Variants in ANKS6 observed in about 807,000 individuals in gnomAD.
The protein encoded by ANKS6 is ankyrin repeat and sterile alpha motif domain containing 6, also known as ankyrin repeat and SAM domain-containing protein 6.
ANKS6 carries 47 observed loss-of-function variants against 77.9 expected under a neutral mutation model. The observed-to-expected ratio is 0.60, with a 90% CI of 0.48 to 0.77. ANKS6 has a LOEUF of 0.77. ANKS6 is among the 30% of genes least tolerant of loss of function. ANKS6 has a pLI of 0.00. For synonymous variants in ANKS6, 488 were observed against 501.7 expected (o/e 0.97, Z 0.37); for missense variants, 1,150 against 1,159.1 (o/e 0.99, Z 0.11).
chr9:98,777,363 T>A (rs1833972589), intron 8 of ANKS6, 42 bp downstream of exon 8: 1 of 1,596,590 alleles, frequency 6.3e-7, no homozygotes, highest in Non-Finnish European at 8.6e-7. Flanking sequence ...AACTGATGAT[T>A]GCCGGAGACC....
rs202102117 is a variant in ANKS6 at position 98,780,219 on chromosome 9, T to A, written c.1338A>T (p.Pro446=). The A allele has an allele frequency of 2.5e-6, 4 of 1,614,086 alleles. No individual in the cohort carries two copies. In the African/African-American group the frequency reaches 5.3e-5, roughly 22 times the overall value. ...GTCCACCCTTGTCATCGGGCAGCAC[T>A]GGGATGCTCCAGGGCTGTCGGACCT... ...HSKVRQPWSI[P]VLPDDKGGLK... The change falls in exon 6 of 15, where the codon CCA becomes CCT. Residue 446 remains proline (P), a synonymous_variant. Transcript: ENST00000353234.
chr9:98,739,976 C>T (rs1440170970), intron 14 of ANKS6, among the ~76,000 whole-genome samples: 6 of 151,860 alleles, frequency 4.0e-5, no homozygotes, highest in African/African-American at 1.5e-4. Flanking sequence ...AGGATGGTCT[C>T]GATCTCCTGA....
chr9:98,782,811 G>T lies in ANKS6; in HGVS notation c.1113-238C>A, dbSNP rs1834348003. Among the ~76,000 whole-genome samples the T allele has an allele frequency of 1.3e-5, 2 of 152,118 alleles. 1 individual carries two copies. Among genetic ancestry groups the T allele is most frequent in the South Asian group, 4.1e-4 (2 of 4,822 alleles). ...CAAAATGAAGACTGAGGCTAGATGT[G>T]GTGGCTCACACCCGTAATCCCATCA... is the stretch of plus-strand genomic sequence containing the variant. On this transcript the variant is annotated intron_variant, in intron 4 of 14. Coordinates refer to ENST00000353234, the MANE Select transcript of ANKS6 (RefSeq NM_173551.5).
chr9:98,778,386 G>C lies in ANKS6; in HGVS notation c.1407C>G (p.Leu469=), dbSNP rs751057834. Reference sequence around the variant, plus strand: ...CACGGGGCAGCGTCTGCATCAGTTTGAGCTTTCGGAACCGATTGGACATTC... The same window carrying C: ...CACGGGGCAGCGTCTGCATCAGTTTCAGCTTTCGGAACCGATTGGACATTC... ...WNRMSNRFRK[L]KLMQTLPRGL... The change falls in exon 7 of 15, where the codon CTC becomes CTG. Residue 469 remains leucine (L), a synonymous_variant. Coordinates refer to ENST00000353234, the MANE Select transcript of ANKS6 (RefSeq NM_173551.5). 11 of 1,614,024 alleles carry C rather than the reference G, an allele frequency of 6.8e-6. No homozygotes were observed. The South Asian group carries it at 9.9e-5, about 15-fold the overall frequency.
At chr9:98,746,224 GCT>G (rs1432214212) in intron 13 of ANKS6, 1 of 152,702 alleles carries the variant, frequency 6.5e-6, no homozygotes, top group Non-Finnish European at 1.5e-5. Context: ...GATCCTAATG[GCT>G]CTGTCAACCC....
intron 1 of ANKS6, among the ~76,000 whole-genome samples, chr9:98,795,045 G>C (rs78673315): frequency 6.6e-6 from 1 of 152,132 alleles, no homozygotes; most frequent in South Asian, 2.1e-4. Flanking sequence ...AGAGAACAGG[G>C]AGATATCATG....
chr9:98,755,743 G>C (rs978059322), intron 12 of ANKS6, among the ~76,000 whole-genome samples: 4 of 152,342 alleles, frequency 2.6e-5, no homozygotes, highest in African/African-American at 7.2e-5. Flanking sequence ...AAGGGGCATG[G>C]CCAATCACCA....
rs1305405278 is a variant in ANKS6 at position 98,734,411 on chromosome 9, A to T, written c.*2108T>A. Reference sequence around the variant, plus strand: ...AAGCTATACCAGTATATTGTTATGAAAAAAACAGGACCACAGCAAAAAGCA... The same window carrying T: ...AAGCTATACCAGTATATTGTTATGATAAAAACAGGACCACAGCAAAAAGCA... On this transcript the variant is annotated 3_prime_UTR_variant, in exon 15 of 15. Coordinates refer to ENST00000353234, the MANE Select transcript of ANKS6 (RefSeq NM_173551.5). 1 of 985,352 alleles carries T rather than the reference A, an allele frequency of 1.0e-6. No individual in the cohort carries two copies. The highest frequency in any genetic ancestry group is 6.1e-5 in the Admixed American group (1 of 16,268). 61.0% of individuals were successfully genotyped at this position (985,352 alleles called of 1,614,324 possible).
intron 12 of ANKS6, among the ~76,000 whole-genome samples, chr9:98,752,131 C>A (rs1336259683): frequency 6.6e-6 from 1 of 152,074 alleles, no homozygotes; most frequent in Non-Finnish European, 1.5e-5. Context: ...GGCTGATAGG[C>A]AAGACAGCAA....
At chr9:98,768,845 A>C (rs1341226736) in intron 10 of ANKS6, among the ~76,000 whole-genome samples, 4 of 152,176 alleles carry the variant, frequency 2.6e-5, no homozygotes, top group African/African-American at 4.8e-5. Context: ...TATAAAATAA[A>C]GGGGCCGGGT....
In ANKS6 at chr9:98,756,642, T is replaced by G; in HGVS notation, c.2143-39A>C. 3 of 1,432,044 alleles carry G rather than the reference T, an allele frequency of 2.1e-6. 1 individual carries two copies. Among genetic ancestry groups the G allele is most frequent in the Non-Finnish European group, 2.8e-6 (3 of 1,089,150 alleles). The allele number at this position is 1,432,044 out of a possible 1,614,324, so 88.7% of individuals were successfully genotyped here. Reference sequence around the variant, plus strand: ...TAAGACAAATACATAAGCCATCACCTGTAGGGTAGAAATGAGGAAAACAAG... The same window carrying G: ...TAAGACAAATACATAAGCCATCACCGGTAGGGTAGAAATGAGGAAAACAAG... On this transcript the variant is annotated intron_variant, in intron 11 of 14. Transcript: ENST00000353234.
chr9:98,789,774 C>T (rs1425500621), intron 2 of ANKS6: 2 of 270,806 alleles, frequency 7.4e-6, no homozygotes, highest in Non-Finnish European at 1.4e-5. Context: ...GTCTATTTGG[C>T]CTTTTACAGA....
intron 12 of ANKS6, among the ~76,000 whole-genome samples, chr9:98,755,633 T>C (rs1260397104): frequency 6.6e-6 from 1 of 152,196 alleles, no homozygotes; most frequent in Non-Finnish European, 1.5e-5. Context: ...GGAAACAGTA[T>C]TTCCAAATTT....
At chr9:98,768,313 G>A (rs1833419735) in intron 10 of ANKS6, 63 bp from the exon 11 acceptor site, 1 of 1,572,978 alleles carries the variant, frequency 6.4e-7, no homozygotes, top group Non-Finnish European at 8.7e-7. Context: ...CACAAGGGTG[G>A]TGGACTGTCG....
At chr9:98,780,484 A>G in intron 5 of ANKS6, 147 bp from the exon 6 acceptor site, 2 of 986,456 alleles carry the variant, frequency 2.0e-6, no homozygotes, top group Non-Finnish European at 2.9e-6. Flanking sequence ...CTGCCTCTCC[A>G]TCTGATCTTC....
intron 12 of ANKS6, among the ~76,000 whole-genome samples, chr9:98,756,185 G>A (rs1166280403): frequency 6.6e-6 from 1 of 152,136 alleles, no homozygotes; most frequent in African/African-American, 2.4e-5. Flanking sequence ...GTTTGTGCAT[G>A]TAAACAAAAA....
At chr9:98,789,901 A>G (rs529247003) in intron 2 of ANKS6, 1 of 672,690 alleles carries the variant, frequency 1.5e-6, no homozygotes, top group African/African-American at 1.8e-5. Flanking sequence ...GGGCTACCAA[A>G]TCACTCTGCA....
At chr9:98,755,003 T>C (rs982991623) in intron 12 of ANKS6, among the ~76,000 whole-genome samples, 3 of 152,040 alleles carry the variant, frequency 2.0e-5, no homozygotes, top group Non-Finnish European at 4.4e-5. Context: ...AATTCACGAG[T>C]GTGGAACTCA....
At chr9:98,761,117 C>T (rs893903411) in intron 11 of ANKS6, among the ~76,000 whole-genome samples, 4 of 152,170 alleles carry the variant, frequency 2.6e-5, no homozygotes, top group African/African-American at 9.7e-5. Context: ...TTTTAATTTG[C>T]ATTATCCTAG....
Sources: gnomAD v4.1 joint callset for allele counts (sites outside exome capture counted in the v4.1 genomes callset) on GRCh38, gnomAD v4.1.1 for gene constraint, MANE v1.5 for transcripts, NCBI Gene and HGNC (gene_info 2026-07-23, HGNC 2026-07-21) for gene names.